TSEN2: variants seen among roughly 807,000 people sequenced by gnomAD.
The protein encoded by TSEN2 is tRNA splicing endonuclease subunit 2.
In TSEN2, 54 loss-of-function variants were observed where a neutral mutation model predicts 59.2. The observed-to-expected ratio is 0.91, with a 90% confidence interval of 0.73 to 1.14. The LOEUF (loss-of-function observed/expected upper bound fraction) is 1.14. Among genes scored for constraint, TSEN2 ranks in the 50% most tolerant of loss-of-function variants. The pLI is 0.00. For synonymous variants in TSEN2, 195 were observed against 198.2 expected (o/e 0.98, Z 0.14); for missense variants, 636 against 576.2 (o/e 1.10, Z -1.06).
chr3:12,501,500 A>G (rs2054279628), intron 4 of TSEN2, among the ~76,000 whole-genome samples: 1 of 152,170 alleles, frequency 6.6e-6, no homozygotes, highest in Non-Finnish European at 1.5e-5. Context: ...CAGCTTTGGG[A>G]TTCTTAGGAA....
At chr3:12,480,533 T>TTG (rs1414033238), upstream of TSEN2, among the ~76,000 whole-genome samples, 10 of 140,304 alleles carry the variant, frequency 7.1e-5, no homozygotes, top group Non-Finnish European at 1.4e-4. Context: ...TCTTTGTTTT[T>TTG]TTTTTTTTTT....
chr3:12,481,385 C>G (rs918828490), upstream of TSEN2, among the ~76,000 whole-genome samples: 1 of 152,198 alleles, frequency 6.6e-6, no homozygotes, highest in African/African-American at 2.4e-5. Context: ...ATTTGAGTCA[C>G]ACAGTGTGCA....
chr3:12,481,929 A>G (rs759190747), upstream of TSEN2, among the ~76,000 whole-genome samples: 15,297 of 142,954 alleles, frequency 0.11, 985 homozygotes, highest in Admixed American at 0.18. Flanking sequence ...CTGCGTATAT[A>G]TATATATATA....
intron 11 of TSEN2, among the ~76,000 whole-genome samples, chr3:12,532,112 CTG>C (rs559007783): frequency 2.7e-4 from 41 of 152,352 alleles, no homozygotes; most frequent in Non-Finnish European, 4.4e-4. Context: ...TTCCCTCCCT[CTG>C]TGTGTAGAGC....
At chr3:12,525,348 A>G (rs192379278) in intron 8 of TSEN2, among the ~76,000 whole-genome samples, 4 of 152,330 alleles carry the variant, frequency 2.6e-5, no homozygotes, top group Non-Finnish European at 2.9e-5. Flanking sequence ...GAGTGATACC[A>G]TAAGTAGTGA....
intron 3 of TSEN2, among the ~76,000 whole-genome samples, chr3:12,493,921 T>A (rs2124967312): frequency 6.6e-6 from 1 of 152,330 alleles, no homozygotes; most frequent in African/African-American, 2.4e-5. Context: ...CATGCAGATT[T>A]CCCTGGTGTT....
chr3:12,488,568 A>T (rs1169295026), intron 1 of TSEN2, among the ~76,000 whole-genome samples: 1 of 152,164 alleles, frequency 6.6e-6, no homozygotes, highest in East Asian at 1.9e-4. Flanking sequence ...TCCTTTAGAC[A>T]TTAGTGGATA....
chr3:12,519,686 C>A (rs187062482), intron 8 of TSEN2, among the ~76,000 whole-genome samples: 204 of 152,048 alleles, frequency 1.3e-3, no homozygotes, highest in Non-Finnish European at 9.9e-4. Context: ...GCAGAACTTG[C>A]AGTGAGCCGA....
At chr3:12,490,833 G>GA (rs924461784) in intron 2 of TSEN2, among the ~76,000 whole-genome samples, 5 of 152,340 alleles carry the variant, frequency 3.3e-5, no homozygotes, top group African/African-American at 1.2e-4. Context: ...ACACTTGATA[G>GA]AAGAGTGGGT....
At chr3:12,515,645 G>A (rs553479904) in intron 6 of TSEN2, among the ~76,000 whole-genome samples, 3 of 152,286 alleles carry the variant, frequency 2.0e-5, no homozygotes, top group Non-Finnish European at 4.4e-5. Flanking sequence ...GTTTGGCAGT[G>A]TATTACTTTA....
chr3:12,502,521 G>A (rs1460403746), intron 4 of TSEN2, among the ~76,000 whole-genome samples: 1 of 151,820 alleles, frequency 6.6e-6, no homozygotes, highest in South Asian at 2.1e-4. Context: ...GGGTGACAGA[G>A]CAAGACTCCA....
intron 9 of TSEN2, among the ~76,000 whole-genome samples, chr3:12,529,318 T>A (rs2057308754): frequency 6.6e-6 from 1 of 152,028 alleles, no homozygotes; most frequent in Admixed American, 6.5e-5. Context: ...TCCAAAAAAA[T>A]TAGCTGGGCA....
chr3:12,486,368 T>C (rs369080867), intron 1 of TSEN2, among the ~76,000 whole-genome samples: 6 of 152,202 alleles, frequency 3.9e-5, no homozygotes, highest in African/African-American at 1.4e-4. Context: ...AGGAGGACTC[T>C]TCCATGAAAC....
chr3:12,494,321 A>G (rs2053525644), intron 3 of TSEN2, among the ~76,000 whole-genome samples: 1 of 152,250 alleles, frequency 6.6e-6, no homozygotes, highest in Non-Finnish European at 1.5e-5. Flanking sequence ...CGAAGACAGC[A>G]CAGTATAAAG....
chr3:12,538,225 A>T (rs1488526435), downstream of TSEN2, among the ~76,000 whole-genome samples: 1 of 152,238 alleles, frequency 6.6e-6, no homozygotes, highest in Non-Finnish European at 1.5e-5. Context: ...TTTATTACTA[A>T]TGTTAAAGGA....
intron 3 of TSEN2, among the ~76,000 whole-genome samples, chr3:12,493,457 G>A (rs1198517331): frequency 2.6e-5 from 4 of 152,312 alleles, no homozygotes; most frequent in Non-Finnish European, 1.5e-5. Flanking sequence ...GGCCAGGCGC[G>A]GTAGCTCACG....
downstream of TSEN2, among the ~76,000 whole-genome samples, chr3:12,535,113 A>G (rs1245891306): frequency 6.6e-6 from 1 of 152,108 alleles, no homozygotes; most frequent in Non-Finnish European, 1.5e-5. Flanking sequence ...AAAAAATTCT[A>G]TTTACTTGAA....
intron 11 of TSEN2, among the ~76,000 whole-genome samples, chr3:12,531,907 G>A (rs575138229): frequency 1.3e-5 from 2 of 152,114 alleles, no homozygotes; most frequent in East Asian, 3.9e-4. Flanking sequence ...AGCTGAAACT[G>A]CTCTCTTACA....
At chr3:12,501,308 A>G (rs1356756170) in intron 4 of TSEN2, among the ~76,000 whole-genome samples, 1 of 152,222 alleles carries the variant, frequency 6.6e-6, no homozygotes, top group Non-Finnish European at 1.5e-5. Flanking sequence ...AGTAATTTGC[A>G]TTGCCACACA....
Sources: gnomAD v4.1 joint callset for allele counts (sites outside exome capture counted in the v4.1 genomes callset) on GRCh38, gnomAD v4.1.1 for gene constraint, MANE v1.5 for transcripts, NCBI Gene and HGNC (gene_info 2026-07-23, HGNC 2026-07-21) for gene names.